GPC5: variants seen among roughly 807,000 people sequenced by gnomAD.
GPC5 encodes the protein glypican-5.
Under a neutral mutation model 53.9 loss-of-function variants are expected in GPC5, and 47 were observed. The observed-to-expected ratio is 0.87, with a 90% CI of 0.69 to 1.11. The LOEUF is 1.11. Ranked by LOEUF, GPC5 falls within the 50% of genes most tolerant of loss-of-function variation. The pLI, the probability that GPC5 is intolerant of heterozygous loss-of-function variation, is 0.00. For synonymous variants in GPC5, 286 were observed against 263.3 expected (o/e 1.09, Z -0.84); for missense variants, 748 against 713.1 (o/e 1.05, Z -0.56).
chr13:91,915,768 C>G (rs1209608493), intron 6 of GPC5, among the ~76,000 whole-genome samples: 1 of 151,994 alleles, frequency 6.6e-6, no homozygotes, highest in South Asian at 2.1e-4. Context: ...CCAGCTCCCA[C>G]TAATTCATAT....
intron 3 of GPC5, among the ~76,000 whole-genome samples, chr13:91,726,400 T>A (rs961946849): frequency 2.6e-5 from 4 of 152,220 alleles, no homozygotes; most frequent in African/African-American, 9.6e-5. Flanking sequence ...TTTGCTAAAC[T>A]TCAGCTGTGG....
intron 7 of GPC5, among the ~76,000 whole-genome samples, chr13:92,198,267 C>G (rs1285746942): frequency 1.3e-5 from 2 of 152,166 alleles, no homozygotes; most frequent in Non-Finnish European, 2.9e-5. Context: ...TTCATGAGAA[C>G]AGCATCCTTA....
intron 2 of GPC5, among the ~76,000 whole-genome samples, chr13:91,570,509 A>G (rs1169329382): frequency 6.6e-6 from 1 of 152,218 alleles, no homozygotes; most frequent in East Asian, 1.9e-4. Flanking sequence ...GAAAATATTT[A>G]AAATTATAGC....
At chr13:92,831,015 A>C (rs1878027304) in intron 7 of GPC5, among the ~76,000 whole-genome samples, 1 of 152,282 alleles carries the variant, frequency 6.6e-6, no homozygotes, top group Admixed American at 6.5e-5. Context: ...TTCTGAGAAC[A>C]GTAACTTGTT....
intron 7 of GPC5, among the ~76,000 whole-genome samples, chr13:92,784,755 T>C (rs575686225): frequency 6.6e-6 from 1 of 152,216 alleles, no homozygotes; most frequent in East Asian, 1.9e-4. Flanking sequence ...AACTAAAAAA[T>C]CATTACCCAG....
At chr13:91,675,114 C>T (rs2035351756) in intron 2 of GPC5, among the ~76,000 whole-genome samples, 2 of 151,500 alleles carry the variant, frequency 1.3e-5, no homozygotes, top group African/African-American at 4.9e-5. Flanking sequence ...ACTCTTTCTT[C>T]CTTTCCCTAG....
At chr13:92,778,231 A>G (rs1470222209) in intron 7 of GPC5, among the ~76,000 whole-genome samples, 1 of 152,024 alleles carries the variant, frequency 6.6e-6, no homozygotes, top group Non-Finnish European at 1.5e-5. Context: ...ATTATATTAT[A>G]TATATGTTTT....
In GPC5 at chr13:92,085,594, C is replaced by G. The variant is rs549128371; in HGVS notation, c.1402-59236C>G. 2.6e-5 allele frequency among the ~76,000 whole-genome samples: 4 copies of G among 152,192 alleles called. 1 individual carries two copies. In the South Asian group the frequency reaches 8.3e-4, roughly 32 times the overall value. On this transcript the variant is annotated intron_variant, in intron 6 of 7. Transcript: ENST00000377067. ...TTGAGCCCCTTACATTTATTGTGCA[C>G]TTTATTTCTATTATTATTACTTTGT...
intron 2 of GPC5, among the ~76,000 whole-genome samples, chr13:91,666,177 T>C (rs566045255): frequency 6.6e-6 from 1 of 152,210 alleles, no homozygotes; most frequent in Non-Finnish European, 1.5e-5. Context: ...TCTTGGGACA[T>C]GCATAACATT....
chr13:91,942,402 CA>C (rs1455793142), intron 6 of GPC5, among the ~76,000 whole-genome samples: 3 of 151,848 alleles, frequency 2.0e-5, no homozygotes, highest in Non-Finnish European at 4.4e-5. Flanking sequence ...AACAATGACA[CA>C]AAAAATGGAA....
chr13:92,519,302 C>CA (rs1197810129), intron 7 of GPC5, among the ~76,000 whole-genome samples: 1 of 152,198 alleles, frequency 6.6e-6, no homozygotes, highest in Non-Finnish European at 1.5e-5. Flanking sequence ...CAGAACTCTC[C>CA]ACCCCAAATC....
intron 7 of GPC5, among the ~76,000 whole-genome samples, chr13:92,321,479 T>TACTCAGGAGCCTG (rs1333909974): frequency 2.6e-5 from 4 of 152,086 alleles, no homozygotes; most frequent in Admixed American, 1.3e-4. Flanking sequence ...TAATCCCAGC[T>TACTCAGGAGCCTG]ACTCAGGAGC....
At chr13:92,573,623 G>A (rs1440095773) in intron 7 of GPC5, among the ~76,000 whole-genome samples, 2 of 152,102 alleles carry the variant, frequency 1.3e-5, no homozygotes, top group African/African-American at 2.4e-5. Flanking sequence ...GGGCGATATA[G>A]TGACATTACA....
chr13:92,430,346 T>C (rs1186701091), intron 7 of GPC5, among the ~76,000 whole-genome samples: 1 of 152,172 alleles, frequency 6.6e-6, no homozygotes, highest in Admixed American at 6.6e-5. Flanking sequence ...TATGTAACTA[T>C]TCAAATTTTC....
chr13:92,579,266 C>A (rs1363743532), intron 7 of GPC5, among the ~76,000 whole-genome samples: 1 of 33,296 alleles, frequency 3.0e-5, no homozygotes. Context: ...TCCCTCCCTC[C>A]CTCCCTCCCT....
At chr13:92,251,372 C>G (rs79239577) in intron 7 of GPC5, among the ~76,000 whole-genome samples, 5,630 of 152,130 alleles carry the variant, frequency 0.037, 366 homozygotes, top group African/African-American at 0.13. Flanking sequence ...ACGTAAATCT[C>G]TAACTGCTAT....
rs149940246 is a variant in GPC5, at chr13:92,581,277, G to A, written c.1562-285005G>A. On this transcript the variant is annotated intron_variant, in intron 7 of 7. Transcript: ENST00000377067. ...ACCATTTTATTTCCTATTTCTATGAGTTGGACTCTTTTATACTCTGCATGT... is the reference window on the plus strand; with the variant it reads ...ACCATTTTATTTCCTATTTCTATGAATTGGACTCTTTTATACTCTGCATGT... Among the ~76,000 whole-genome samples the A allele has an allele frequency of 9.1e-4, 139 of 152,110 alleles. 2 individuals carry two copies. In the East Asian group the frequency reaches 0.026, roughly 28 times the overall value.
chr13:91,422,047 C>G (rs1448225712), intron 1 of GPC5, among the ~76,000 whole-genome samples: 1 of 152,162 alleles, frequency 6.6e-6, no homozygotes, highest in Non-Finnish European at 1.5e-5. Context: ...GATGATCCTT[C>G]CCTATACCAC....
chr13:92,096,070 T>C (rs376115419), intron 6 of GPC5, among the ~76,000 whole-genome samples: 17 of 152,202 alleles, frequency 1.1e-4, no homozygotes, highest in African/African-American at 4.1e-4. Flanking sequence ...CACTGTACCA[T>C]CTCAGAAACC....
Sources: gnomAD v4.1 joint callset for allele counts (sites outside exome capture counted in the v4.1 genomes callset) on GRCh38, gnomAD v4.1.1 for gene constraint, MANE v1.5 for transcripts, NCBI Gene and HGNC (gene_info 2026-07-23, HGNC 2026-07-21) for gene names.